MBNL1: variants seen among roughly 807,000 people sequenced by gnomAD.
MBNL1 encodes the protein muscleblind-like protein 1.
MBNL1 carries 8 observed loss-of-function variants against 42.2 expected under a neutral mutation model. That is an observed-to-expected ratio of 0.19 (90% CI 0.11 to 0.34). MBNL1 has a LOEUF of 0.34. MBNL1 is among the 10% of genes least tolerant of loss of function. The probability of loss-of-function intolerance (pLI) is 1.00; values close to 1 mark genes in which losing one functional copy is unlikely to be tolerated. For synonymous variants in MBNL1, 169 were observed against 173.9 expected, an observed-to-expected ratio of 0.97 and a Z score of 0.22; for missense variants, 309 against 495.3, an observed-to-expected ratio of 0.62 and a Z score of 3.57.
In MBNL1 at chr3:152,414,941, G is replaced by A. The variant is rs765273967; in HGVS notation, c.175G>A (p.Gly59Ser). 1 of 1,605,914 alleles carries A rather than the reference G, an allele frequency of 6.2e-7. No homozygotes were observed. The highest frequency in any genetic ancestry group is 8.5e-7 in the Non-Finnish European group (1 of 1,177,046). The part of the protein sequence containing the change: ...RVIACFDSLK[G>S]RCSRENCKYL... ...ATGTTTGCTGCTTTTGTTTCTCTAG[G>A]GCCGTTGCTCCAGGGAGAACTGCAA... The change falls in exon 3 of 10, where the codon GGC (glycine) becomes AGC (serine). Residue 59 changes from glycine (G) to serine (S), a missense_variant and splice_region_variant. Transcript: ENST00000324210.
chr3:152,307,181 G>T (rs934273258), intron 2 of MBNL1, among the ~76,000 whole-genome samples: 8 of 152,150 alleles, frequency 5.3e-5, no homozygotes, highest in African/African-American at 7.2e-5. Context: ...GTAGAGACAG[G>T]GTTTCACCGT....
chr3:152,405,162 A>G (rs2098395901), intron 2 of MBNL1, among the ~76,000 whole-genome samples: 1 of 152,154 alleles, frequency 6.6e-6, no homozygotes, highest in African/African-American at 2.4e-5. Context: ...ACCTAGAGTC[A>G]TCTGTTTCTA....
intron 2 of MBNL1, among the ~76,000 whole-genome samples, chr3:152,257,764 T>G (rs1385869736): frequency 1.3e-5 from 2 of 152,158 alleles, no homozygotes; most frequent in Non-Finnish European, 2.9e-5. Context: ...GACAACTAAA[T>G]TTTCCTTCCT....
chr3:152,387,244 T>A (rs1305605084), intron 2 of MBNL1, among the ~76,000 whole-genome samples: 1 of 142,620 alleles, frequency 7.0e-6, no homozygotes, highest in Admixed American at 6.9e-5. Context: ...TCTGTGTATT[T>A]TTTTTTTTTT....
At chr3:152,272,657 C>T (rs1480914177) in intron 1 of MBNL1, among the ~76,000 whole-genome samples, 1 of 151,332 alleles carries the variant, frequency 6.6e-6, no homozygotes, top group African/African-American at 2.4e-5. Flanking sequence ...AGATTTTTAC[C>T]TGCAGATAGG....
intron 2 of MBNL1, among the ~76,000 whole-genome samples, chr3:152,398,375 A>C (rs1238762597): frequency 6.6e-6 from 1 of 152,186 alleles, no homozygotes; most frequent in East Asian, 1.9e-4. Flanking sequence ...ATCATGTTTA[A>C]TATCAGGAGA....
At chr3:152,246,167 G>C (rs2032950797) in intron 2 of MBNL1, among the ~76,000 whole-genome samples, 2 of 152,084 alleles carry the variant, frequency 1.3e-5, no homozygotes, top group Admixed American at 1.3e-4. Flanking sequence ...TTAACTATGA[G>C]ATATTTTGAT....
chr3:152,399,073 A>AG (rs1190507480), intron 2 of MBNL1, among the ~76,000 whole-genome samples: 1 of 152,182 alleles, frequency 6.6e-6, no homozygotes, highest in Non-Finnish European at 1.5e-5. Context: ...TTCTATTAAT[A>AG]GCTATTTATA....
chr3:152,405,860 C>T (rs1246640945), intron 2 of MBNL1, among the ~76,000 whole-genome samples: 1 of 152,034 alleles, frequency 6.6e-6, no homozygotes, highest in South Asian at 2.1e-4. Context: ...AACTATTAGC[C>T]AAGATTGAAA....
intron 1 of MBNL1, among the ~76,000 whole-genome samples, chr3:152,283,447 A>G (rs7616943): frequency 0.11 from 17,032 of 152,214 alleles, 1,162 homozygotes; most frequent in Middle Eastern, 0.18. Flanking sequence ...ACTTATGATG[A>G]AATTGAGCAC....
At chr3:152,278,672 T>C (rs991047335) in intron 1 of MBNL1, among the ~76,000 whole-genome samples, 22 of 152,254 alleles carry the variant, frequency 1.4e-4, no homozygotes, top group African/African-American at 4.8e-4. Context: ...TCCTCTGTAG[T>C]TGATTAAAGT....
intron 2 of MBNL1, among the ~76,000 whole-genome samples, chr3:152,411,104 C>T (rs916855382): frequency 6.6e-6 from 1 of 152,168 alleles, no homozygotes; most frequent in African/African-American, 2.4e-5. Context: ...TGTGACCACT[C>T]AGAGAATTTC....
At chr3:152,449,988 C>G (rs1487101765) in intron 6 of MBNL1, among the ~76,000 whole-genome samples, 1 of 151,584 alleles carries the variant, frequency 6.6e-6, no homozygotes, top group Non-Finnish European at 1.5e-5. Flanking sequence ...GCCTGTAATC[C>G]CAGCTACTTG....
chr3:152,422,116 A>G (rs2098814997), intron 3 of MBNL1, among the ~76,000 whole-genome samples: 1 of 152,204 alleles, frequency 6.6e-6, no homozygotes, highest in South Asian at 2.1e-4. Context: ...AAATCTCTCA[A>G]TTAAAAGACG....
rs544576178 is a variant in MBNL1, at chr3:152,320,714, T to C, written c.174+20347T>C. ...TTTTTTTTTTAATCTTTTTTGACTC[T>C]ACCGAGAATATTGAAAAGAGTTTTG... is the stretch of plus-strand genomic sequence containing the variant. On this transcript the variant is annotated intron_variant, in intron 2 of 9. Transcript: ENST00000324210. Among the ~76,000 whole-genome samples the C allele has an allele frequency of 5.3e-5, 8 of 150,934 alleles. No homozygotes were observed. The East Asian group carries it at 1.6e-3, about 29-fold the overall frequency.
chr3:152,262,338 G>A (rs2036435501), intron 2 of MBNL1, among the ~76,000 whole-genome samples: 1 of 152,062 alleles, frequency 6.6e-6, no homozygotes. Flanking sequence ...TTATTCAAAG[G>A]TCTCTTTAGA....
intron 2 of MBNL1, chr3:152,340,584 A>ATAC (rs748784650): frequency 6.2e-7 from 1 of 1,613,998 alleles, no homozygotes; most frequent in Non-Finnish European, 8.5e-7. Flanking sequence ...TCTGTTCACC[A>ATAC]TACATACTTC....
intron 9 of MBNL1, among the ~76,000 whole-genome samples, chr3:152,461,085 A>C (rs1744947112): frequency 6.6e-6 from 1 of 152,158 alleles, no homozygotes; most frequent in East Asian, 1.9e-4. Context: ...CTTGTAAAAG[A>C]AGGACAGTGT....
At chr3:152,297,032 A>G (rs539814907) in intron 1 of MBNL1, among the ~76,000 whole-genome samples, 1 of 152,212 alleles carries the variant, frequency 6.6e-6, no homozygotes, top group Non-Finnish European at 1.5e-5. Context: ...GATGGGGATA[A>G]TGACATCTTG....
Sources: allele counts gnomAD v4.1 joint callset (sites outside exome capture counted in the v4.1 genomes callset), GRCh38; gene constraint gnomAD v4.1.1; transcripts MANE v1.5; gene names NCBI Gene and HGNC (gene_info 2026-07-23, HGNC 2026-07-21).